CEP152: variants seen among roughly 807,000 people sequenced by gnomAD.
CEP152 encodes centrosomal protein of 152 kDa.
In CEP152, 132 loss-of-function variants were observed where a neutral mutation model predicts 188.9. The ratio of observed to expected loss-of-function variants is 0.70; its 90% CI spans 0.61 to 0.81. The LOEUF is 0.81. CEP152 is among the 30% of genes least tolerant of loss of function. The probability of loss-of-function intolerance (pLI) is 0.00; values close to 1 mark genes in which losing one functional copy is unlikely to be tolerated. For synonymous variants in CEP152, 649 were observed against 666.6 expected (o/e 0.97, Z 0.41); for missense variants, 1,914 against 1,969.8 (o/e 0.97, Z 0.54).
At chr15:48,741,297 C>T in intron 26 of CEP152, 2 of 1,189,896 alleles carry the variant, frequency 1.7e-6, no homozygotes, top group Non-Finnish European at 2.1e-6. Flanking sequence ...GCCTGGCCCA[C>T]TGCAACTTTT....
At chr15:48,735,900 T>C (rs1203758413), downstream of CEP152, among the ~76,000 whole-genome samples, 2 of 151,958 alleles carry the variant, frequency 1.3e-5, no homozygotes, top group Non-Finnish European at 2.9e-5. Flanking sequence ...TGATAAACCT[T>C]TAGATAGACT....
intron 12 of CEP152, among the ~76,000 whole-genome samples, chr15:48,779,073 A>T (rs1157726303): frequency 6.6e-6 from 1 of 152,232 alleles, no homozygotes; most frequent in East Asian, 1.9e-4. Flanking sequence ...AAAGATAAAC[A>T]TACATAATGT....
Position 48,760,132 on chromosome 15 carries a change from T to C in CEP152, c.2694+3A>G, listed in dbSNP as rs750685252. 3 of 1,613,766 alleles carry C rather than the reference T, an allele frequency of 1.9e-6. No homozygotes were observed. The East Asian group carries it at 6.7e-5, about 36-fold the overall frequency. On this transcript the variant is annotated splice_donor_region_variant and intron_variant, in intron 19 of 26. Coordinates refer to ENST00000380950, the MANE Select transcript of CEP152 (RefSeq NM_001194998.2). ...TGAAGTGTCTTTGCAGAAGAGCTCT[T>C]ACCCTTTTGTTCACAGAGACCTCAT...
intron 2 of CEP152, among the ~76,000 whole-genome samples, chr15:48,799,367 C>A (rs146015110): frequency 2.0e-5 from 3 of 152,100 alleles, no homozygotes; most frequent in African/African-American, 7.2e-5. Flanking sequence ...GCCCCAAATT[C>A]TTAACTGAGC....
At position 48,784,074 on chromosome 15, in the gene CEP152, CTTTCCAGTTGTTTCACGTGA is replaced by C. The variant is rs770059947; in HGVS notation, c.1200_1219del (p.Asp400GlufsTer12). ...TTCTAACTTGATTGCTTCTTGATTC[CTTTCCAGTTGTTTCACGTGA>C]TCTTTCAGACGAGAGCAAATGTCTT... On this transcript the variant is annotated frameshift_variant, in exon 10 of 27. Coordinates refer to ENST00000380950, the MANE Select transcript of CEP152 (RefSeq NM_001194998.2). LOFTEE classifies it high-confidence loss of function. 8 of 1,613,722 alleles carry C rather than the reference CTTTCCAGTTGTTTCACGTGA, an allele frequency of 5.0e-6. No homozygotes were observed. The South Asian group carries it at 8.8e-5, about 18-fold the overall frequency.
At chr15:48,805,741 C>A in intron 1 of CEP152, 85 bp from the exon 2 acceptor site, 1 of 1,569,608 alleles carries the variant, frequency 6.4e-7, no homozygotes, top group Non-Finnish European at 8.7e-7. Context: ...CATACATACA[C>A]AAAGTGAAAA....
intron 1 of CEP152, among the ~76,000 whole-genome samples, chr15:48,808,668 C>T (rs1481213283): frequency 1.3e-5 from 2 of 151,994 alleles, no homozygotes; most frequent in Non-Finnish European, 2.9e-5. Context: ...CTTGTTATCA[C>T]CCAGTGGTGA....
intron 6 of CEP152, among the ~76,000 whole-genome samples, chr15:48,795,420 A>C (rs985324854): frequency 6.6e-6 from 1 of 152,200 alleles, no homozygotes; most frequent in Non-Finnish European, 1.5e-5. Flanking sequence ...TTACACTTCT[A>C]TATAGTCAAA....
At chr15:48,793,192 A>T in intron 7 of CEP152, 129 bp downstream of exon 7, 1 of 1,035,978 alleles carries the variant, frequency 9.7e-7, no homozygotes, top group African/African-American at 1.6e-5. Flanking sequence ...TTGTTTTGCT[A>T]TGCCTCACTC....
At chr15:48,751,376 T>C (rs1893861548) in intron 21 of CEP152, among the ~76,000 whole-genome samples, 1 of 152,090 alleles carries the variant, frequency 6.6e-6, no homozygotes, top group South Asian at 2.1e-4. Flanking sequence ...CAATGCAAAA[T>C]ACAAATTAAG....
downstream of CEP152, among the ~76,000 whole-genome samples, chr15:48,736,667 T>C (rs1488456780): frequency 6.6e-6 from 1 of 152,212 alleles, no homozygotes; most frequent in East Asian, 1.9e-4. Flanking sequence ...GGATATAGGA[T>C]GTATGACATA....
intron 12 of CEP152, among the ~76,000 whole-genome samples, chr15:48,777,900 T>C (rs532990280): frequency 1.3e-5 from 2 of 152,264 alleles, no homozygotes; most frequent in South Asian, 4.2e-4. Context: ...TAAAATAATT[T>C]TCTCTTCTTT....
chr15:48,735,101 C>A (rs145334674), downstream of CEP152, among the ~76,000 whole-genome samples: 275 of 152,232 alleles, frequency 1.8e-3, 2 homozygotes, highest in African/African-American at 6.3e-3. Context: ...CCAGGATAGG[C>A]CATATGCCAG....
chr15:48,781,305 G>C lies in CEP152; in HGVS notation c.1468C>G (p.Leu490Val), dbSNP rs764100157. ...TCTGAGTCACTTGGATGTATTCCTAGTTTTGCAGCAGATTCATAGAGAGAA... is the reference window on the plus strand; with the variant it reads ...TCTGAGTCACTTGGATGTATTCCTACTTTTGCAGCAGATTCATAGAGAGAA... ...EISLYESAAKLGIHPSDSEGE... is the reference protein window; with the variant it reads ...EISLYESAAKVGIHPSDSEGE... The change falls in exon 12 of 27, where the codon CTA becomes GTA. Residue 490 changes from leucine (L) to valine (V), a missense_variant. By Grantham distance (32) the Leu-to-Val change is conservative. Coordinates refer to ENST00000380950, the MANE Select transcript of CEP152 (RefSeq NM_001194998.2). The C allele has an allele frequency of 3.7e-6, 6 of 1,611,862 alleles. No individual in the cohort carries two copies. The African/African-American group carries it at 8.0e-5, about 22-fold the overall frequency.
intron 1 of CEP152, among the ~76,000 whole-genome samples, chr15:48,807,756 C>T (rs1328355455): frequency 1.3e-5 from 2 of 152,040 alleles, no homozygotes; most frequent in Non-Finnish European, 2.9e-5. Context: ...AGGTTTGTTC[C>T]CATCCTTTAT....
chr15:48,771,474 A>T (rs919426264), intron 13 of CEP152, among the ~76,000 whole-genome samples: 2 of 152,230 alleles, frequency 1.3e-5, no homozygotes, highest in African/African-American at 4.8e-5. Context: ...AAAATCTCAT[A>T]GAAAATACTA....
rs765226380 is a variant in CEP152, at chr15:48,767,347, T to C, written c.2135A>G (p.His712Arg). ...QQLFEAYERT[H>R]LQLRSELDKL... ...TCTTTATTCTCACCTCAGTTGCAAA[T>C]GAGTTCTCTCATAAGCCTCAAAGAG... Residue 712 changes from histidine to arginine, a missense_variant, in exon 16 of 27, where the codon CAT becomes CGT. Coordinates refer to ENST00000380950, the MANE Select transcript of CEP152 (RefSeq NM_001194998.2). 46 of 1,614,070 alleles carry C rather than the reference T, an allele frequency of 2.8e-5. No homozygotes were observed. Among genetic ancestry groups the C allele is most frequent in the Non-Finnish European group, 3.8e-5 (45 of 1,180,026 alleles).
intron 2 of CEP152, among the ~76,000 whole-genome samples, chr15:48,798,557 C>T (rs1463184656): frequency 6.6e-6 from 1 of 152,026 alleles, no homozygotes; most frequent in Admixed American, 6.6e-5. Context: ...TGTAGAAACC[C>T]GTGGGAGTCA....
At chr15:48,730,008 A>G (rs941875544) in intron 2 of CEP152, among the ~76,000 whole-genome samples, 1 of 151,944 alleles carries the variant, frequency 6.6e-6, no homozygotes, top group African/African-American at 2.4e-5. Flanking sequence ...CCCCCCAAAA[A>G]AAATTACTAC....
Sources: gnomAD v4.1 joint callset for allele counts (sites outside exome capture counted in the v4.1 genomes callset) on GRCh38, gnomAD v4.1.1 for gene constraint, MANE v1.5 for transcripts, NCBI Gene and HGNC (gene_info 2026-07-23, HGNC 2026-07-21) for gene names.